PPP2R2A: variants seen among roughly 807,000 people sequenced by gnomAD.
PPP2R2A encodes serine/threonine-protein phosphatase 2A 55 kDa regulatory subunit B alpha isoform.
In PPP2R2A, 9 loss-of-function variants were observed where a neutral mutation model predicts 53.2. The observed-to-expected ratio is 0.17, with a 90% CI of 0.10 to 0.30. The LOEUF (loss-of-function observed/expected upper bound fraction) is 0.30. Among genes scored for constraint, PPP2R2A ranks in the 10% least tolerant of loss-of-function variants. The pLI is 1.00. For synonymous variants in PPP2R2A, 169 were observed against 174.2 expected (o/e 0.97, Z 0.23); for missense variants, 235 against 534.6 (o/e 0.44, Z 5.53).
rs1343447072 is a variant in PPP2R2A at position 26,361,120 on chromosome 8, T to A, written c.606T>A (p.Leu202=). 1.9e-6 allele frequency: 3 copies of A among 1,597,324 alleles called. No individual in the cohort carries two copies. Among genetic ancestry groups the A allele is most frequent in the Non-Finnish European group, 2.6e-6 (3 of 1,176,138 alleles). The change falls in exon 6 of 10, where the codon CTT becomes CTA. Residue 202 remains leucine (L), a synonymous_variant. Transcript: ENST00000380737. ...YLSADDLRIN[L]WHLEITDRSF... Reference sequence around the variant, plus strand: ...CTGCAGATGATTTGCGGATTAATCTTTGGCATCTGGAAATTACAGACAGGA... The same window carrying A: ...CTGCAGATGATTTGCGGATTAATCTATGGCATCTGGAAATTACAGACAGGA...
At chr8:26,344,184 T>A (rs1804094613) in intron 3 of PPP2R2A, among the ~76,000 whole-genome samples, 1 of 152,218 alleles carries the variant, frequency 6.6e-6, no homozygotes, top group Non-Finnish European at 1.5e-5. Context: ...TCTGCCAAGA[T>A]CCCTAAATCT....
chr8:26,356,084 T>C (rs1388585718), intron 4 of PPP2R2A, among the ~76,000 whole-genome samples: 3 of 152,204 alleles, frequency 2.0e-5, no homozygotes, highest in South Asian at 2.1e-4. Flanking sequence ...ATTAAAACTT[T>C]TTTGAGGTTG....
At chr8:26,326,697 C>T (rs950495483) in intron 2 of PPP2R2A, among the ~76,000 whole-genome samples, 3 of 152,108 alleles carry the variant, frequency 2.0e-5, no homozygotes, top group African/African-American at 7.2e-5. Flanking sequence ...TGTATAATCT[C>T]CTTGAGAAGC....
intron 2 of PPP2R2A, among the ~76,000 whole-genome samples, chr8:26,331,205 T>A (rs1321824715): frequency 6.6e-6 from 1 of 152,180 alleles, no homozygotes; most frequent in Admixed American, 6.5e-5. Flanking sequence ...TTCCAGTCAG[T>A]AAGCAAGAGC....
chr8:26,329,856 A>C (rs1405204339), intron 2 of PPP2R2A, among the ~76,000 whole-genome samples: 3 of 152,158 alleles, frequency 2.0e-5, no homozygotes, highest in African/African-American at 7.2e-5. Flanking sequence ...AATTCTTCAC[A>C]GTTTTGCAAA....
intron 3 of PPP2R2A, among the ~76,000 whole-genome samples, chr8:26,350,072 T>G (rs1010008552): frequency 6.0e-5 from 9 of 150,384 alleles, no homozygotes; most frequent in Non-Finnish European, 1.2e-4. Flanking sequence ...TGTTTGTTTG[T>G]TTTTTTTTGA....
At chr8:26,366,113 AGTAG>A in intron 8 of PPP2R2A, 198 bp from the exon 9 acceptor site, 1 of 474,296 alleles carries the variant, frequency 2.1e-6, no homozygotes. Flanking sequence ...TTGTCATACC[AGTAG>A]GAAAATGTAC....
chr8:26,324,337 A>T (rs1802983063), intron 2 of PPP2R2A, among the ~76,000 whole-genome samples: 1 of 152,184 alleles, frequency 6.6e-6, no homozygotes, highest in African/African-American at 2.4e-5. Context: ...TAATTTGTTT[A>T]TAGTATGTGT....
At chr8:26,293,826 CTA>C in intron 2 of PPP2R2A, 86 bp downstream of exon 2, 1 of 1,198,760 alleles carries the variant, frequency 8.3e-7, no homozygotes, top group Non-Finnish European at 1.2e-6. Flanking sequence ...GCCGAGACTG[CTA>C]TAAATTCAAG....
At chr8:26,351,560 C>G (rs1248379040) in intron 3 of PPP2R2A, among the ~76,000 whole-genome samples, 1 of 152,112 alleles carries the variant, frequency 6.6e-6, no homozygotes, top group Non-Finnish European at 1.5e-5. Flanking sequence ...TATCCTAAAA[C>G]TTAATTATTG....
At chr8:26,312,849 A>G (rs184346675) in intron 2 of PPP2R2A, among the ~76,000 whole-genome samples, 1 of 152,012 alleles carries the variant, frequency 6.6e-6, no homozygotes, top group African/African-American at 2.4e-5. Flanking sequence ...TCTAAGTTTA[A>G]TGTTGTTTTA....
intron 2 of PPP2R2A, among the ~76,000 whole-genome samples, chr8:26,310,041 G>A (rs1483818593): frequency 6.6e-6 from 1 of 151,096 alleles, no homozygotes; most frequent in Non-Finnish European, 1.5e-5. Flanking sequence ...CTAGCACTTT[G>A]GGAGGCTGAG....
chr8:26,298,343 G>T (rs1019302708), intron 2 of PPP2R2A, among the ~76,000 whole-genome samples: 15 of 152,150 alleles, frequency 9.9e-5, no homozygotes, highest in Non-Finnish European at 5.9e-5. Context: ...CAACTCTTCC[G>T]CTGGGTTCCT....
chr8:26,331,530 T>C (rs1239398238), intron 2 of PPP2R2A, among the ~76,000 whole-genome samples: 1 of 152,250 alleles, frequency 6.6e-6, no homozygotes, highest in Non-Finnish European at 1.5e-5. Flanking sequence ...TTGTCTTTTT[T>C]ACTGAAATAT....
intron 3 of PPP2R2A, among the ~76,000 whole-genome samples, chr8:26,343,883 T>A (rs1242529257): frequency 6.6e-6 from 1 of 152,186 alleles, no homozygotes; most frequent in Non-Finnish European, 1.5e-5. Flanking sequence ...AATGCTGAAA[T>A]TTAGCTGGAG....
chr8:26,359,999 G>T (rs903327576), intron 4 of PPP2R2A, among the ~76,000 whole-genome samples, 170 bp from the exon 5 acceptor site: 2 of 151,020 alleles, frequency 1.3e-5, no homozygotes, highest in Non-Finnish European at 2.9e-5. Flanking sequence ...TTATTTCCAT[G>T]TGTGTATGTT....
chr8:26,370,542 CA>C lies in PPP2R2A; in HGVS notation c.*131del. 1 of 1,034,662 alleles carries C rather than the reference CA, an allele frequency of 9.7e-7. No homozygotes were observed. Among genetic ancestry groups the C allele is most frequent in the Non-Finnish European group, 1.4e-6 (1 of 711,600 alleles). 64.1% of individuals were successfully genotyped at this position (1,034,662 alleles called of 1,614,324 possible). ...CAGTGTTTGACAGTGTGCCATTCGA[CA>C]ACACATTGTTATAGCTACATGGAGA... is the stretch of plus-strand genomic sequence containing the variant. On this transcript the variant is annotated 3_prime_UTR_variant, in exon 10 of 10. Transcript: ENST00000380737. The surrounding 1 kb of genome is among the most constrained non-coding windows in gnomAD (Gnocchi z 6.1).
chr8:26,299,904 G>A (rs1048383884), intron 2 of PPP2R2A, among the ~76,000 whole-genome samples: 2 of 151,940 alleles, frequency 1.3e-5, no homozygotes, highest in Non-Finnish European at 2.9e-5. Context: ...AATGACCTAT[G>A]GTAAAGGTCT....
chr8:26,330,044 C>T (rs149511083), intron 2 of PPP2R2A, among the ~76,000 whole-genome samples: 66 of 152,274 alleles, frequency 4.3e-4, no homozygotes, highest in African/African-American at 1.5e-3. Context: ...TGCCCCTTCC[C>T]AGGACTGCAG....
Sources: allele counts gnomAD v4.1 joint callset (sites outside exome capture counted in the v4.1 genomes callset), GRCh38; gene constraint gnomAD v4.1.1; non-coding constraint Gnocchi (gnomAD v3.1); transcripts MANE v1.5; gene names NCBI Gene and HGNC (gene_info 2026-07-23, HGNC 2026-07-21).